RASAL2: variants seen among roughly 807,000 people sequenced by gnomAD.
RASAL2 encodes the protein ras GTPase-activating protein nGAP.
A neutral mutation model predicts 128.9 loss-of-function variants in RASAL2; 58 were observed. The observed-to-expected ratio is 0.45, with a 90% CI of 0.36 to 0.56. The LOEUF (loss-of-function observed/expected upper bound fraction) is 0.56, where lower values mean the gene tolerates loss of function less well. Ranked by LOEUF, RASAL2 falls within the 20% of genes least tolerant of loss-of-function variation. RASAL2 has a pLI of 0.00. For synonymous variants in RASAL2, 561 were observed against 580.8 expected (o/e 0.97, Z 0.49); for missense variants, 1,360 against 1,601.6 (o/e 0.85, Z 2.57).
intron 1 of RASAL2, among the ~76,000 whole-genome samples, chr1:178,118,266 C>G (rs2102266287): frequency 6.6e-6 from 1 of 152,152 alleles, no homozygotes; most frequent in East Asian, 1.9e-4. Context: ...GAAACCTCCC[C>G]TCCACGGATG....
chr1:178,262,825 G>A (rs892711494), intron 1 of RASAL2, among the ~76,000 whole-genome samples: 1 of 148,890 alleles, frequency 6.7e-6, no homozygotes, highest in Non-Finnish European at 1.5e-5. Context: ...ATCTGAGAGG[G>A]AATTGGTAGA....
At chr1:178,224,692 T>C (rs918760559) in intron 1 of RASAL2, among the ~76,000 whole-genome samples, 1 of 152,142 alleles carries the variant, frequency 6.6e-6, no homozygotes, top group Non-Finnish European at 1.5e-5. Context: ...GCATCTATCA[T>C]GTATTCTAAT....
At chr1:178,346,403 T>A (rs1571899625) in intron 3 of RASAL2, among the ~76,000 whole-genome samples, 2 of 143,734 alleles carry the variant, frequency 1.4e-5, no homozygotes, top group Admixed American at 7.0e-5. Context: ...CTTGTATCTT[T>A]AAAAAAAAAA....
At chr1:178,472,235 T>G (rs1572141826) in intron 17 of RASAL2, among the ~76,000 whole-genome samples, 1 of 152,366 alleles carries the variant, frequency 6.6e-6, no homozygotes, top group East Asian at 1.9e-4. Context: ...GCCTATTTTT[T>G]TTCCTCTTTT....
chr1:178,471,682 T>A (rs948522556), intron 17 of RASAL2, among the ~76,000 whole-genome samples: 1 of 152,064 alleles, frequency 6.6e-6, no homozygotes, highest in Admixed American at 6.6e-5. Context: ...GATCCTACCC[T>A]CCTGCCCCCA....
At chr1:178,296,149 A>ATG in intron 2 of RASAL2, among the ~76,000 whole-genome samples, 1 of 128,004 alleles carries the variant, frequency 7.8e-6, no homozygotes, top group African/African-American at 4.7e-5. Context: ...GTGTGTATAT[A>ATG]TGTGTATATA....
At chr1:178,283,256 ACT>A (rs1666867071) in intron 1 of RASAL2, among the ~76,000 whole-genome samples, 1 of 152,178 alleles carries the variant, frequency 6.6e-6, no homozygotes, top group Non-Finnish European at 1.5e-5. Context: ...TTTAAACGAT[ACT>A]GGTTAAGCTC....
At chr1:178,264,427 C>G (rs149015853) in intron 1 of RASAL2, among the ~76,000 whole-genome samples, 1 of 152,302 alleles carries the variant, frequency 6.6e-6, no homozygotes, top group Admixed American at 6.5e-5. Flanking sequence ...AAAATTCTCT[C>G]TAAACCCTCA....
intron 3 of RASAL2, among the ~76,000 whole-genome samples, chr1:178,348,836 C>T (rs2102428769): frequency 6.8e-6 from 1 of 147,964 alleles, no homozygotes; most frequent in East Asian, 2.0e-4. Context: ...GAGTCTCGCT[C>T]TCGCCCAGGC....
chr1:178,181,290 T>C (rs1482948336), intron 1 of RASAL2, among the ~76,000 whole-genome samples: 1 of 152,126 alleles, frequency 6.6e-6, no homozygotes, highest in Admixed American at 6.5e-5. Flanking sequence ...CTTATTAATA[T>C]GGTACATTCA....
chr1:178,214,071 A>C (rs1427360529), intron 1 of RASAL2, among the ~76,000 whole-genome samples: 1 of 152,026 alleles, frequency 6.6e-6, no homozygotes. Context: ...CCTGGACAAC[A>C]TCTTGAGACT....
intron 4 of RASAL2, among the ~76,000 whole-genome samples, chr1:178,406,715 T>C (rs1674024019): frequency 6.6e-6 from 1 of 152,106 alleles, no homozygotes; most frequent in Non-Finnish European, 1.5e-5. Flanking sequence ...TGTAATTAGT[T>C]AATAAAGTAT....
chr1:178,371,355 TACAC>T lies in RASAL2; in HGVS notation c.458-18726_458-18723del, dbSNP rs766584516. 9.7e-3 allele frequency among the ~76,000 whole-genome samples: 1,240 copies of T among 127,738 alleles called. 23 individuals carry two copies. Among genetic ancestry groups the T allele is most frequent in the African/African-American group, 0.035 (1,136 of 32,862 alleles). The allele number at this position is 127,738 out of a possible 152,430, so 83.8% of individuals were successfully genotyped here. A position where few individuals can be genotyped will look rare whatever the true frequency, so the allele number is the denominator to read the frequency against. ...ACACACACACACACACACACACAAATACACACACACACACACACACACTTCCTTT... is the reference window on the plus strand; with the variant it reads ...ACACACACACACACACACACACAAATACACACACACACACACACTTCCTTT... On this transcript the variant is annotated intron_variant, in intron 3 of 17. Transcript: ENST00000367649.
chr1:178,165,566 T>C (rs1012932290), intron 1 of RASAL2, among the ~76,000 whole-genome samples: 1 of 152,148 alleles, frequency 6.6e-6, no homozygotes, highest in African/African-American at 2.4e-5. Context: ...CTAAGGATGC[T>C]AAGGGATGAC....
chr1:178,226,473 T>C (rs1182116593), intron 1 of RASAL2, among the ~76,000 whole-genome samples: 3 of 152,206 alleles, frequency 2.0e-5, no homozygotes, highest in Non-Finnish European at 4.4e-5. Context: ...GATTTTTACC[T>C]GGTTTTTACC....
chr1:178,203,746 G>A (rs1268606164), intron 1 of RASAL2, among the ~76,000 whole-genome samples: 1 of 152,202 alleles, frequency 6.6e-6, no homozygotes, highest in Non-Finnish European at 1.5e-5. Context: ...TGTTGGCTGG[G>A]GTGATTGACT....
intron 1 of RASAL2, among the ~76,000 whole-genome samples, chr1:178,111,792 T>C (rs1176787055): frequency 6.6e-6 from 1 of 152,184 alleles, no homozygotes; most frequent in Admixed American, 6.5e-5. Flanking sequence ...TGCGATGGCA[T>C]GATTTCAGCT....
intron 3 of RASAL2, among the ~76,000 whole-genome samples, chr1:178,378,539 C>T (rs1672115618): frequency 6.6e-6 from 1 of 151,908 alleles, no homozygotes; most frequent in African/African-American, 2.4e-5. Context: ...GGCAATAGAC[C>T]AGGTCATAAA....
At chr1:178,393,306 C>A (rs1468906397) in intron 4 of RASAL2, among the ~76,000 whole-genome samples, 1 of 152,034 alleles carries the variant, frequency 6.6e-6, no homozygotes, top group Non-Finnish European at 1.5e-5. Context: ...TCACTGGGAA[C>A]CCTGAGTTTG....
Sources: allele counts gnomAD v4.1 joint callset (sites outside exome capture counted in the v4.1 genomes callset), GRCh38; gene constraint gnomAD v4.1.1; transcripts MANE v1.5; gene names NCBI Gene and HGNC (gene_info 2026-07-23, HGNC 2026-07-21).